The following C4BPA variants were observed in gnomAD, a reference collection of about 807,000 sequenced individuals.
C4BPA encodes complement component 4 binding protein alpha.
In C4BPA, 31 loss-of-function variants were observed where a neutral mutation model predicts 63.7. That is an observed-to-expected ratio of 0.49 (90% CI 0.37 to 0.66). The LOEUF (loss-of-function observed/expected upper bound fraction) is 0.66. C4BPA is among the 30% of genes least tolerant of loss of function. The pLI, the probability that C4BPA is intolerant of heterozygous loss-of-function variation, is 0.00. For synonymous variants in C4BPA, 259 were observed against 254.7 expected (o/e 1.02, Z -0.16); for missense variants, 572 against 723.3 (o/e 0.79, Z 2.40).
chr1:207,132,502 A>G (rs1040381667), intron 8 of C4BPA, among the ~76,000 whole-genome samples: 1 of 152,224 alleles, frequency 6.6e-6, no homozygotes, highest in Non-Finnish European at 1.5e-5. Context: ...ACAATCTGTG[A>G]AATGCATAAA....
intron 10 of C4BPA, among the ~76,000 whole-genome samples, chr1:207,141,508 GC>G (rs567638425): frequency 1.6e-3 from 244 of 152,316 alleles, no homozygotes; most frequent in Non-Finnish European, 3.0e-3. Flanking sequence ...TCTTGGGGCA[GC>G]CCATACCAGG....
chr1:207,106,441 G>GTTTTTTTTTTTTTTTT (rs757122192), intron 1 of C4BPA, among the ~76,000 whole-genome samples: 2 of 118,440 alleles, frequency 1.7e-5, no homozygotes, highest in Admixed American at 8.1e-5. Flanking sequence ...CTCCGTGTAA[G>GTTTTTTTTTTTTTTTT]TTTTTTTTTT....
At chr1:207,131,462 C>CT (rs1685157102) in intron 7 of C4BPA, 84 bp from the exon 8 acceptor site, 1 of 938,778 alleles carries the variant, frequency 1.1e-6, no homozygotes, top group South Asian at 1.6e-5. Context: ...GTATGACCCC[C>CT]TTTGATAGGA....
At position 207,143,836 on chromosome 1, in the gene C4BPA, A is replaced by T; in HGVS notation, c.1463A>T (p.Glu488Val). ...ATTACAGCTCTGTGTCGGAAACCAG[A>T]ATTAGTGAATGGAAGGTTGTCTGTG... ...PQCKALCRKP[E>V]LVNGRLSVDK... The change falls in exon 11 of 12, where the codon GAA (glutamate) becomes GTA (valine). Residue 488 changes from glutamate to valine, a missense_variant. By Grantham distance (121) the Glu-to-Val change is moderately radical. Coordinates refer to ENST00000367070, the MANE Select transcript of C4BPA (RefSeq NM_000715.4). 1 of 1,613,138 alleles carries T rather than the reference A, an allele frequency of 6.2e-7. No individual in the cohort carries two copies. The highest frequency in any genetic ancestry group is 1.1e-5 in the South Asian group (1 of 91,050).
chr1:207,128,373 T>C (rs1033098074), intron 7 of C4BPA, among the ~76,000 whole-genome samples: 1 of 152,192 alleles, frequency 6.6e-6, no homozygotes, highest in Admixed American at 6.5e-5. Flanking sequence ...GAATGAGTTT[T>C]CTAATTTCCC....
intron 4 of C4BPA, among the ~76,000 whole-genome samples, chr1:207,117,976 T>A (rs1237999216): frequency 7.2e-5 from 11 of 152,250 alleles, no homozygotes; most frequent in Non-Finnish European, 5.9e-5. Context: ...TTTCCTTGTT[T>A]CTTCATGTGT....
At chr1:207,105,564 A>G (rs1684542335) in intron 1 of C4BPA, among the ~76,000 whole-genome samples, 1 of 151,096 alleles carries the variant, frequency 6.6e-6, no homozygotes, top group South Asian at 2.1e-4. Context: ...CCTCAAAAAA[A>G]AAAAAAAAAG....
At chr1:207,127,902 G>A (rs569061941) in intron 7 of C4BPA, among the ~76,000 whole-genome samples, 2 of 152,100 alleles carry the variant, frequency 1.3e-5, no homozygotes, top group Admixed American at 6.5e-5. Flanking sequence ...GGGTAAAAAA[G>A]TTATTTGGGG....
At chr1:207,140,735 C>T (rs1206817455) in intron 9 of C4BPA, among the ~76,000 whole-genome samples, 1 of 152,136 alleles carries the variant, frequency 6.6e-6, no homozygotes, top group Non-Finnish European at 1.5e-5. Flanking sequence ...GATATAACAT[C>T]CTTACAGTTT....
rs769922378 is a variant in C4BPA, at chr1:207,116,518, G to A, written c.428+1003G>A. Among the ~76,000 whole-genome samples, 462 of 91,360 alleles carry A rather than the reference G, an allele frequency of 5.1e-3. 1 individual carries two copies. Among genetic ancestry groups the A allele is most frequent in the Admixed American group, 0.014 (132 of 9,244 alleles). 59.9% of individuals were successfully genotyped at this position (91,360 alleles called of 152,430 possible). ...ACAGTGTGTGTGTGTGTGTGTATAT[G>A]TGTGTGTGTGTGTGTGTGTGTGTGT... On this transcript the variant is annotated intron_variant, in intron 4 of 11. Transcript: ENST00000367070.
chr1:207,118,482 G>C (rs957101045), intron 4 of C4BPA, among the ~76,000 whole-genome samples: 1 of 152,150 alleles, frequency 6.6e-6, no homozygotes, highest in African/African-American at 2.4e-5. Flanking sequence ...ATGGCGGCAG[G>C]GAGGAGAAGT....
chr1:207,140,610 A>C (rs951887789), intron 9 of C4BPA, among the ~76,000 whole-genome samples: 1 of 151,722 alleles, frequency 6.6e-6, no homozygotes, highest in African/African-American at 2.4e-5. Context: ...TGTTCAAGTC[A>C]CCATATTCAT....
In C4BPA at chr1:207,144,905, A is replaced by C. The variant is rs765066135; in HGVS notation, c.*188A>C. The stretch of plus-strand genomic sequence containing the variant: ...TTATTAATCATCCTCTGTGTGGCTC[A>C]TGTTTTTGCTTTTCAACACACAAAG... On this transcript the variant is annotated 3_prime_UTR_variant, in exon 12 of 12. Transcript: ENST00000367070. The C allele has an allele frequency of 6.1e-5, 22 of 362,152 alleles. No individual in the cohort carries two copies. Among genetic ancestry groups the C allele is most frequent in the Non-Finnish European group, 9.6e-5 (20 of 207,790 alleles). The allele number at this position is 362,152 out of a possible 1,614,324, so 22.4% of individuals were successfully genotyped here. A position where few individuals can be genotyped will look rare whatever the true frequency, so the allele number is the denominator to read the frequency against.
chr1:207,124,933 A>C (rs572825218), intron 6 of C4BPA, among the ~76,000 whole-genome samples: 9 of 152,348 alleles, frequency 5.9e-5, no homozygotes, highest in African/African-American at 2.2e-4. Context: ...AAGAAGCGGA[A>C]ATGAAAATAT....
chr1:207,144,183 T>C (rs1158901811), intron 11 of C4BPA, among the ~76,000 whole-genome samples, 190 bp downstream of exon 11: 1 of 152,154 alleles, frequency 6.6e-6, no homozygotes, highest in Non-Finnish European at 1.5e-5. Context: ...GTTCTCCTGT[T>C]CTCACTTGAG....
chr1:207,134,477 C>CT lies in C4BPA; in HGVS notation c.1159dup (p.Cys387LeufsTer8). On this transcript the variant is annotated frameshift_variant, in exon 9 of 12. Transcript: ENST00000367070. LOFTEE classifies it high-confidence loss of function. ...ACAGGAAAAGTCGTCCTGCCAATCACTGTGTTTATTTCTATGGAGATGAGA... is the reference window on the plus strand; with the variant it reads ...ACAGGAAAAGTCGTCCTGCCAATCACTTGTGTTTATTTCTATGGAGATGAGA... The CT allele has an allele frequency of 6.2e-7, 1 of 1,613,742 alleles. No homozygotes were observed. The highest frequency in any genetic ancestry group is 8.5e-7 in the Non-Finnish European group (1 of 1,179,678).
chr1:207,128,269 C>A (rs578024801), intron 7 of C4BPA, among the ~76,000 whole-genome samples: 1 of 152,126 alleles, frequency 6.6e-6, no homozygotes, highest in Non-Finnish European at 1.5e-5. Flanking sequence ...TGGTGGTGGG[C>A]GCAGCTGGGT....
At chr1:207,110,302 A>C (rs1359167474) in intron 1 of C4BPA, among the ~76,000 whole-genome samples, 1 of 152,180 alleles carries the variant, frequency 6.6e-6, no homozygotes, top group Non-Finnish European at 1.5e-5. Flanking sequence ...GGAATGGGAG[A>C]TAGGAAAGTG....
At chr1:207,118,436 G>A (rs1346014492) in intron 4 of C4BPA, among the ~76,000 whole-genome samples, 2 of 152,134 alleles carry the variant, frequency 1.3e-5, no homozygotes, top group Admixed American at 6.5e-5. Flanking sequence ...TACAATCATC[G>A]CAGAAGGCAA....
Sources: allele counts gnomAD v4.1 joint callset (sites outside exome capture counted in the v4.1 genomes callset), GRCh38; gene constraint gnomAD v4.1.1; transcripts MANE v1.5; gene names NCBI Gene and HGNC (gene_info 2026-07-23, HGNC 2026-07-21).